Variants in LANCL3 observed in about 807,000 individuals in gnomAD.
The protein encoded by LANCL3 is LanC like family member 3.
LANCL3 carries 19 observed loss-of-function variants against 26.5 expected under a neutral mutation model. The observed-to-expected ratio is 0.72, with a 90% CI of 0.50 to 1.05. The LOEUF (loss-of-function observed/expected upper bound fraction) is 1.05, where lower values mean the gene tolerates loss of function less well. Among genes scored for constraint, LANCL3 ranks in the 50% least tolerant of loss-of-function variants. The pLI is 0.00. For missense variants in LANCL3, 318 were observed against 362.7 expected (o/e 0.88, Z 1.00); for synonymous variants, 160 against 166.6 (o/e 0.96, Z 0.30).
chrX:37,647,452 T>C (rs782462089), intron 1 of LANCL3, among the ~76,000 whole-genome samples: 27 of 112,449 alleles, frequency 2.4e-4, no homozygotes, highest in African/African-American at 8.7e-4. Context: ...TACAAAAAAG[T>C]CATTTTGATG....
rs1926797211 is a variant in LANCL3 at position 37,676,120 on chromosome X, G to T, written c.*307G>T. On this transcript the variant is annotated 3_prime_UTR_variant, in exon 5 of 5. Coordinates refer to ENST00000378619, the MANE Select transcript of LANCL3 (RefSeq NM_001170331.2). ...CAGTTATGACATAGAAAACCAAACT[G>T]CAAGTGTAGACTATGACAAAAAATA... 6.3e-6 allele frequency: 1 copy of T among 159,080 alleles called. No individual in the cohort carries two copies. The highest frequency in any genetic ancestry group is 8.1e-5 in the Admixed American group (1 of 12,293). 13.1% of individuals were successfully genotyped at this position (159,080 alleles called of 1,213,427 possible).
chrX:37,634,531 C>T (rs1295326728), intron 1 of LANCL3, among the ~76,000 whole-genome samples: 2 of 112,635 alleles, frequency 1.8e-5, no homozygotes, highest in East Asian at 2.8e-4. Flanking sequence ...CCATCTTCTG[C>T]GTCGCTCGCG....
At chrX:37,646,163 T>G (rs782353757) in intron 1 of LANCL3, among the ~76,000 whole-genome samples, 71 of 113,158 alleles carry the variant, frequency 6.3e-4, no homozygotes, top group Non-Finnish European at 1.2e-3. Context: ...ATTATTAAGA[T>G]TCCATGTTTC....
intron 1 of LANCL3, among the ~76,000 whole-genome samples, chrX:37,624,347 G>T (rs1556422735): frequency 9.0e-6 from 1 of 111,470 alleles, no homozygotes; most frequent in African/African-American, 3.3e-5. Context: ...TAAGTCTTTT[G>T]CATATTATTG....
Position 37,681,730 on chromosome X carries a change from T to C in LANCL3, c.*5917T>C, listed in dbSNP as rs1301178154. 8.9e-6 allele frequency: 1 copy of C among 112,133 alleles called. No individual in the cohort carries two copies. Among genetic ancestry groups the C allele is most frequent in the Non-Finnish European group, 1.9e-5 (1 of 53,227 alleles). 9.2% of individuals were successfully genotyped at this position (112,133 alleles called of 1,213,427 possible). A position where few individuals can be genotyped will look rare whatever the true frequency, so the allele number is the denominator to read the frequency against. ...CTGTGTCTATAAGAATCCTAGAAAT[T>C]GCCACAAGTGTCTCTCCATAAGAAA... On this transcript the variant is annotated 3_prime_UTR_variant, in exon 5 of 5. Coordinates refer to ENST00000378619, the MANE Select transcript of LANCL3 (RefSeq NM_001170331.2).
At chrX:37,610,652 A>C (rs1316662041) in intron 1 of LANCL3, among the ~76,000 whole-genome samples, 2 of 111,473 alleles carry the variant, frequency 1.8e-5, no homozygotes, top group African/African-American at 6.5e-5. Context: ...CCTGAGGCCA[A>C]TTTTGGCCAC....
At chrX:37,630,230 C>G (rs1459929869) in intron 1 of LANCL3, among the ~76,000 whole-genome samples, 1 of 111,325 alleles carries the variant, frequency 9.0e-6, no homozygotes, top group African/African-American at 3.3e-5. Context: ...TGGGAGTTCA[C>G]TCATGATTTG....
At chrX:37,665,042 G>C (rs1926514380) in intron 3 of LANCL3, among the ~76,000 whole-genome samples, 1 of 111,356 alleles carries the variant, frequency 9.0e-6, no homozygotes, top group Admixed American at 9.6e-5. Context: ...CTTCATTTTT[G>C]TCTTTCTGCT....
chrX:37,659,416 C>A (rs781844330), intron 2 of LANCL3, 46 bp from the exon 3 acceptor site: 131 of 970,552 alleles, frequency 1.3e-4, no homozygotes, highest in Non-Finnish European at 5.1e-5. Flanking sequence ...ATCAAACTAG[C>A]TGTCCTCCCA....
chrX:37,668,370 C>A lies in LANCL3; in HGVS notation c.1103+881C>A, dbSNP rs1926601186. 3 of 385,231 alleles carry A rather than the reference C, an allele frequency of 7.8e-6. No homozygotes were observed. The East Asian group carries it at 1.3e-4, about 17-fold the overall frequency. The allele number at this position is 385,231 out of a possible 1,213,427, so 31.7% of individuals were successfully genotyped here. ...CAATATAAAATTTTCCTTTATAGTT[C>A]ATTCCCTGTAAACTTGATAAAGATG... is the stretch of plus-strand genomic sequence containing the variant. On this transcript the variant is annotated intron_variant, in intron 4 of 4. Transcript: ENST00000378619.
chrX:37,580,702 C>T (rs61174636), intron 1 of LANCL3, among the ~76,000 whole-genome samples: 1 of 110,339 alleles, frequency 9.1e-6, no homozygotes, highest in Non-Finnish European at 1.9e-5. Context: ...CCCTTTCCCT[C>T]CCCATTTCCC....
intron 1 of LANCL3, among the ~76,000 whole-genome samples, chrX:37,580,001 C>T (rs1215642463): frequency 1.8e-5 from 2 of 111,507 alleles, no homozygotes; most frequent in Non-Finnish European, 3.8e-5. Context: ...GAAACTGAGT[C>T]CCTTTATTGT....
chrX:37,674,765 C>A (rs1478248673), intron 4 of LANCL3, among the ~76,000 whole-genome samples: 2 of 110,990 alleles, frequency 1.8e-5, no homozygotes, highest in Non-Finnish European at 3.8e-5. Context: ...TAAATAATTA[C>A]CCTTTGTAAG....
chrX:37,582,998 G>T (rs1474692274), intron 1 of LANCL3, among the ~76,000 whole-genome samples: 1 of 111,649 alleles, frequency 9.0e-6, no homozygotes, highest in Non-Finnish European at 1.9e-5. Flanking sequence ...TTTGTATAAG[G>T]TGTAAGGAAG....
At chrX:37,639,781 C>T (rs1381815717) in intron 1 of LANCL3, among the ~76,000 whole-genome samples, 2 of 111,021 alleles carry the variant, frequency 1.8e-5, no homozygotes, top group Non-Finnish European at 3.8e-5. Flanking sequence ...TGATTCTTCT[C>T]TCTTACTTCC....
chrX:37,581,674 G>A (rs190536231), intron 1 of LANCL3, among the ~76,000 whole-genome samples: 137 of 111,684 alleles, frequency 1.2e-3, no homozygotes, highest in Admixed American at 2.4e-3. Flanking sequence ...TAATCACAAT[G>A]ATTTAACAGA....
intron 1 of LANCL3, among the ~76,000 whole-genome samples, chrX:37,653,774 G>T (rs989357335): frequency 2.7e-5 from 3 of 111,682 alleles, no homozygotes; most frequent in African/African-American, 9.8e-5. Flanking sequence ...AAGACTTGGG[G>T]CTGATATGAT....
rs1234732154 is a variant in LANCL3, at chrX:37,667,449, C to T, written c.1063C>T (p.Arg355Trp). The change falls in exon 4 of 5, where the codon CGG becomes TGG. Residue 355 changes from arginine (R) to tryptophan (W), a missense_variant. Transcript: ENST00000378619. ...GSAYVFLLLY[R>W]LTGNSKYIYR... ...TGCCTATGTCTTCCTGCTGCTGTAC[C>T]GGCTCACGGGAAACTCTAAATACAT... The T allele has an allele frequency of 1.4e-5, 17 of 1,193,592 alleles. No homozygotes were observed. The highest frequency in any genetic ancestry group is 1.8e-5 in the Non-Finnish European group (16 of 888,419).
intron 4 of LANCL3, among the ~76,000 whole-genome samples, chrX:37,673,415 A>T (rs1292908793): frequency 1.8e-5 from 2 of 111,354 alleles, no homozygotes; most frequent in African/African-American, 6.5e-5. Flanking sequence ...TAACTCACAG[A>T]TCTATGAATT....
Sources: gnomAD v4.1 joint callset for allele counts (sites outside exome capture counted in the v4.1 genomes callset) on GRCh38, gnomAD v4.1.1 for gene constraint, MANE v1.5 for transcripts, NCBI Gene and HGNC (gene_info 2026-07-23, HGNC 2026-07-21) for gene names.